The following CPS1 variants were observed in gnomAD, a reference collection of about 807,000 sequenced individuals.
CPS1 encodes carbamoyl-phosphate synthase [ammonia], mitochondrial.
In CPS1, 109 loss-of-function variants were observed where a neutral mutation model predicts 174.6. The observed-to-expected ratio is 0.62, with a 90% CI of 0.53 to 0.73. CPS1 has a LOEUF of 0.73. Among genes scored for constraint, CPS1 ranks in the 30% least tolerant of loss-of-function variants. The probability of loss-of-function intolerance (pLI) is 0.00; values close to 1 mark genes in which losing one functional copy is unlikely to be tolerated. For missense variants in CPS1, 1,689 were observed against 1,821.9 expected (o/e 0.93, Z 1.33); for synonymous variants, 637 against 632.0 (o/e 1.01, Z -0.12).
chr2:210,587,447 T>C (rs979542417), intron 6 of CPS1, among the ~76,000 whole-genome samples: 6 of 152,076 alleles, frequency 3.9e-5, no homozygotes, highest in African/African-American at 1.4e-4. Flanking sequence ...CAGACATAGA[T>C]AATGATTATG....
intron 34 of CPS1, among the ~76,000 whole-genome samples, chr2:210,668,967 T>G (rs1037116511): frequency 3.3e-5 from 5 of 152,188 alleles, no homozygotes; most frequent in Non-Finnish European, 5.9e-5. Flanking sequence ...GTTATTTGAT[T>G]AAATTTCTCA....
At chr2:210,559,148 C>A (rs77927745) in intron 1 of CPS1, among the ~76,000 whole-genome samples, 2,885 of 152,070 alleles carry the variant, frequency 0.019, 82 homozygotes, top group African/African-American at 0.066. Context: ...TTTAGATGGA[C>A]ATCATATTTT....
intron 32 of CPS1, among the ~76,000 whole-genome samples, chr2:210,661,108 T>C (rs1700904716): frequency 6.6e-6 from 1 of 152,218 alleles, no homozygotes; most frequent in African/African-American, 2.4e-5. Context: ...GCATGATTTT[T>C]CCATTTGAAA....
Position 210,556,764 on chromosome 2 carries a change from G to A in CPS1, c.31G>A (p.Val11Met), listed in dbSNP as rs754467312. The change falls in exon 1 of 38, where the codon GTG becomes ATG. Residue 11 changes from valine to methionine, a missense_variant. Val to Met is a conservative substitution (Grantham distance 21). Coordinates refer to ENST00000233072, the MANE Select transcript of CPS1 (RefSeq NM_001875.5). Reference protein sequence around the residue: MTRILTAFKVVRTLKTGFGFT... With the variant: MTRILTAFKVMRTLKTGFGFT... ...GAGGATTTTGACAGCTTTCAAAGTG[G>A]TGAGGACACTGAAGACTGGTTTTGG... 5 of 1,612,978 alleles carry A rather than the reference G, an allele frequency of 3.1e-6. No homozygotes were observed. The highest frequency in any genetic ancestry group is 1.1e-5 in the South Asian group (1 of 91,056).
chr2:210,484,756 C>G (rs1379857458), intron 1 of CPS1, among the ~76,000 whole-genome samples: 1 of 152,132 alleles, frequency 6.6e-6, no homozygotes, highest in Non-Finnish European at 1.5e-5. Flanking sequence ...TTCTTTCCTG[C>G]TATAAACCCC....
chr2:210,626,449 A>G (rs1264175012), intron 21 of CPS1, among the ~76,000 whole-genome samples: 1 of 152,160 alleles, frequency 6.6e-6, no homozygotes, highest in East Asian at 1.9e-4. Context: ...TACATAGCCC[A>G]AGATATAAAC....
At chr2:210,612,047 C>G in intron 19 of CPS1, 70 bp from the exon 20 acceptor site, 1 of 1,330,404 alleles carries the variant, frequency 7.5e-7, no homozygotes, top group Non-Finnish European at 1.1e-6. Flanking sequence ...TATTTTACGT[C>G]CAGTTCAGTT....
chr2:210,584,062 T>G (rs1698018554), intron 6 of CPS1, among the ~76,000 whole-genome samples: 1 of 152,132 alleles, frequency 6.6e-6, no homozygotes, highest in East Asian at 1.9e-4. Context: ...CTGAGATGTT[T>G]ATGGGATACT....
intron 1 of CPS1, among the ~76,000 whole-genome samples, chr2:210,494,019 G>A (rs936668758): frequency 2.6e-5 from 4 of 152,150 alleles, no homozygotes; most frequent in Non-Finnish European, 4.4e-5. Flanking sequence ...CAAGCACCTT[G>A]AAAACCAGAA....
intron 1 of CPS1, among the ~76,000 whole-genome samples, chr2:210,566,122 C>G (rs1374699088): frequency 2.2e-4 from 34 of 152,116 alleles, no homozygotes; most frequent in Admixed American, 2.2e-3. Flanking sequence ...GGCAATGCAG[C>G]CCTCTACAGC....
intron 25 of CPS1, among the ~76,000 whole-genome samples, chr2:210,643,865 C>T: frequency 6.6e-6 from 1 of 151,968 alleles, no homozygotes; most frequent in Admixed American, 6.6e-5. Flanking sequence ...AGGTGGGGAT[C>T]AAAATAAGTG....
intron 13 of CPS1, among the ~76,000 whole-genome samples, chr2:210,597,052 C>G (rs1332207144): frequency 6.6e-6 from 1 of 151,854 alleles, no homozygotes; most frequent in South Asian, 2.1e-4. Flanking sequence ...TGTATAGGAT[C>G]TTTTCCTGTA....
Position 210,608,791 on chromosome 2 carries a change from G to T in CPS1, c.2391+232G>T, listed in dbSNP as rs746027353. ...CATGGCCATTTTGCTGGATTTGAAG[G>T]TCTTCCTATTCAAAAGGTGAGGCCA... On this transcript the variant is annotated intron_variant, in intron 19 of 37. Transcript: ENST00000233072. Among the ~76,000 whole-genome samples, 4 of 151,826 alleles carry T rather than the reference G, an allele frequency of 2.6e-5. No individual in the cohort carries two copies. The South Asian group carries it at 8.3e-4, about 32-fold the overall frequency.
rs769593170 is a variant in CPS1 at position 210,663,147 on chromosome 2, T to G, written c.3952T>G (p.Leu1318Val). ...IKAPMFSWPR[L>V]RDADPILRCE... ...GGCTCCCATGTTTTCCTGGCCCCGGTTGAGGGATGCTGACCCCATTCTGAG... is the reference window on the plus strand; with the variant it reads ...GGCTCCCATGTTTTCCTGGCCCCGGGTGAGGGATGCTGACCCCATTCTGAG... Residue 1318 changes from leucine to valine, a missense_variant, in exon 33 of 38, where the codon TTG becomes GTG. Leu to Val is a conservative substitution (Grantham distance 32). Transcript: ENST00000233072. 8.1e-6 allele frequency: 13 copies of G among 1,613,976 alleles called. No individual in the cohort carries two copies. The East Asian group carries it at 1.3e-4, about 17-fold the overall frequency.
intron 1 of CPS1, among the ~76,000 whole-genome samples, chr2:210,492,613 T>A (rs1694900900): frequency 6.6e-6 from 1 of 152,146 alleles, no homozygotes; most frequent in South Asian, 2.1e-4. Flanking sequence ...ATCTGTAAGT[T>A]CTTTGAGAAA....
chr2:210,673,598 A>G (rs1012140249), intron 34 of CPS1: 4 of 152,226 alleles, frequency 2.6e-5, no homozygotes, highest in African/African-American at 9.6e-5. Flanking sequence ...AATCGTGGGT[A>G]GAGGAACCCA....
intron 1 of CPS1, among the ~76,000 whole-genome samples, chr2:210,507,839 A>G (rs1695333529): frequency 6.6e-6 from 1 of 152,160 alleles, no homozygotes; most frequent in Non-Finnish European, 1.5e-5. Flanking sequence ...TATCCTAAAT[A>G]TATATGCACC....
rs145004315 is a variant in CPS1, at chr2:210,495,217, G to A, written c.3+17451G>A. Among the ~76,000 whole-genome samples the A allele has an allele frequency of 7.4e-3, 1,131 of 152,098 alleles. 13 individuals carry two copies. Among genetic ancestry groups the A allele is most frequent in the African/African-American group, 0.026 (1,071 of 41,472 alleles). ...CTGTAGTTCAGAGTTCTTATGCAGCGCAAAATTTTGGGGAGCAGAGGAACC... is the reference window on the plus strand; with the variant it reads ...CTGTAGTTCAGAGTTCTTATGCAGCACAAAATTTTGGGGAGCAGAGGAACC... On this transcript the variant is annotated intron_variant, in intron 1 of 38. Transcript: ENST00000430249.
At chr2:210,597,361 T>A (rs1220800868) in intron 13 of CPS1, among the ~76,000 whole-genome samples, 2 of 151,858 alleles carry the variant, frequency 1.3e-5, no homozygotes, top group African/African-American at 4.8e-5. Flanking sequence ...ATTAGAGCCC[T>A]AATATTGCCA....
Sources: gnomAD v4.1 joint callset for allele counts (sites outside exome capture counted in the v4.1 genomes callset) on GRCh38, gnomAD v4.1.1 for gene constraint, MANE v1.5 for transcripts, NCBI Gene and HGNC (gene_info 2026-07-23, HGNC 2026-07-21) for gene names.